GFRA2: variants seen among roughly 807,000 people sequenced by gnomAD.
GFRA2 encodes GDNF family receptor alpha 2.
A neutral mutation model predicts 48.3 loss-of-function variants in GFRA2; 17 were observed. The observed-to-expected ratio is 0.35, with a 90% CI of 0.24 to 0.53. The LOEUF (loss-of-function observed/expected upper bound fraction) is 0.53, where lower values mean the gene tolerates loss of function less well. GFRA2 is among the 20% of genes least tolerant of loss of function. GFRA2 has a pLI of 0.93. For synonymous variants in GFRA2, 305 were observed against 257.2 expected, an observed-to-expected ratio of 1.19 and a Z score of -1.78; for missense variants, 660 against 637.3, an observed-to-expected ratio of 1.04 and a Z score of -0.38.
chr8:21,799,186 T>C (rs1807727812), intron 2 of GFRA2, among the ~76,000 whole-genome samples: 1 of 152,050 alleles, frequency 6.6e-6, no homozygotes, highest in South Asian at 2.1e-4. Context: ...CCCCTTCCGT[T>C]CTCTTTAGTG....
rs375388508 is a variant in GFRA2, at chr8:21,770,072, A to G, written c.439+4900T>C. Among the ~76,000 whole-genome samples, 231 of 152,290 alleles carry G rather than the reference A, an allele frequency of 1.5e-3. 1 individual carries two copies. In the Middle Eastern group the frequency reaches 0.024, roughly 16 times the overall value. ...AGCCTCTATCTGTCCCTGTCACAGC[A>G]TAGTACATGATGGCCGTCCCCACCC... On this transcript the variant is annotated intron_variant, in intron 3 of 8. Transcript: ENST00000524240.
chr8:21,713,058 G>GGGAGAGGGAGAGGGAGACC (rs1563222295), intron 4 of GFRA2, among the ~76,000 whole-genome samples: 2 of 150,786 alleles, frequency 1.3e-5, no homozygotes, highest in Non-Finnish European at 3.0e-5. Flanking sequence ...AGAGGGAGAC[G>GGGAGAGGGAGAGGGAGACC]AGGGAAAGGG....
At chr8:21,714,499 C>T (rs1024670981) in intron 4 of GFRA2, among the ~76,000 whole-genome samples, 3 of 151,990 alleles carry the variant, frequency 2.0e-5, no homozygotes, top group African/African-American at 7.2e-5. Flanking sequence ...GATCCACCCA[C>T]CTCAGCCTCC....
At chr8:21,786,839 C>T (rs2117088225) in intron 1 of GFRA2, among the ~76,000 whole-genome samples, 1 of 152,286 alleles carries the variant, frequency 6.6e-6, no homozygotes, top group South Asian at 2.1e-4. Context: ...GCTCCTACCT[C>T]CCCACTCGTG....
chr8:21,730,997 C>T (rs866168826), intron 4 of GFRA2, among the ~76,000 whole-genome samples: 14 of 152,092 alleles, frequency 9.2e-5, no homozygotes, highest in African/African-American at 3.1e-4. Flanking sequence ...ATTCTGGCCC[C>T]GGGCTCCTTC....
At chr8:21,718,688 C>T (rs191976392) in intron 4 of GFRA2, among the ~76,000 whole-genome samples, 35 of 152,264 alleles carry the variant, frequency 2.3e-4, no homozygotes, top group Admixed American at 1.4e-3. Context: ...CATAGGGCCA[C>T]GCAACAAGGG....
In GFRA2 at chr8:21,784,840, C is replaced by T. The variant is rs950186912; in HGVS notation, c.41-1941G>A. Among the ~76,000 whole-genome samples, 37 of 152,314 alleles carry T rather than the reference C, an allele frequency of 2.4e-4. 1 individual carries two copies. The highest frequency in any genetic ancestry group is 1.4e-3 in the Admixed American group (22 of 15,310). On this transcript the variant is annotated intron_variant, in intron 1 of 8. Coordinates refer to ENST00000524240, the MANE Select transcript of GFRA2 (RefSeq NM_001495.5). ...GCTGGAGAGCTGTCCTCCACACAAGCTGAGGCAGCGTCTTTCTTCCCCGGC... is the reference window on the plus strand; with the variant it reads ...GCTGGAGAGCTGTCCTCCACACAAGTTGAGGCAGCGTCTTTCTTCCCCGGC...
At chr8:21,791,432 C>G (rs1257255634), upstream of GFRA2, among the ~76,000 whole-genome samples, 2 of 152,138 alleles carry the variant, frequency 1.3e-5, no homozygotes, top group African/African-American at 4.8e-5. Context: ...TACCTACTGC[C>G]TATACAGACG....
At chr8:21,753,717 A>T (rs1805410995) in intron 3 of GFRA2, among the ~76,000 whole-genome samples, 1 of 152,234 alleles carries the variant, frequency 6.6e-6, no homozygotes, top group South Asian at 2.1e-4. Context: ...TTGATCTATG[A>T]TGTTAAACAA....
chr8:21,704,953 T>C (rs1327816029), intron 6 of GFRA2, 32 bp downstream of exon 6: 1 of 1,549,636 alleles, frequency 6.5e-7, no homozygotes, highest in Non-Finnish European at 8.8e-7. Flanking sequence ...TGGGAGGGGC[T>C]GCTGGGGTTG....
At chr8:21,724,399 G>A (rs974882564) in intron 4 of GFRA2, among the ~76,000 whole-genome samples, 3 of 152,156 alleles carry the variant, frequency 2.0e-5, no homozygotes, top group East Asian at 1.9e-4. Flanking sequence ...ATGGAGCACC[G>A]TGAGTTCTGA....
chr8:21,708,701 G>A (rs1366900723), intron 4 of GFRA2, among the ~76,000 whole-genome samples: 1 of 152,194 alleles, frequency 6.6e-6, no homozygotes, highest in Non-Finnish European at 1.5e-5. Context: ...TGAGACAGCA[G>A]AGGCAGAGAT....
intron 4 of GFRA2, among the ~76,000 whole-genome samples, chr8:21,735,883 G>A (rs1265184140): frequency 6.6e-6 from 1 of 152,050 alleles, no homozygotes; most frequent in Non-Finnish European, 1.5e-5. Flanking sequence ...TGTTACCCAG[G>A]GCTGCTCTTG....
chr8:21,738,734 T>G (rs1403423991), intron 4 of GFRA2, among the ~76,000 whole-genome samples: 1 of 152,076 alleles, frequency 6.6e-6, no homozygotes, highest in East Asian at 1.9e-4. Context: ...AGCTTAGACA[T>G]CACCTCCAAG....
At chr8:21,730,049 G>A (rs1188865693) in intron 4 of GFRA2, among the ~76,000 whole-genome samples, 1 of 152,074 alleles carries the variant, frequency 6.6e-6, no homozygotes, top group Non-Finnish European at 1.5e-5. Context: ...TGGTGGGAGG[G>A]GGGGCCTCAT....
chr8:21,704,596 G>T (rs1305781515), intron 6 of GFRA2, among the ~76,000 whole-genome samples: 3 of 152,208 alleles, frequency 2.0e-5, no homozygotes, highest in Admixed American at 2.0e-4. Flanking sequence ...TCTGGCTTCT[G>T]GGTTAGGAGT....
At chr8:21,778,307 C>G (rs1806810397) in intron 2 of GFRA2, among the ~76,000 whole-genome samples, 1 of 152,180 alleles carries the variant, frequency 6.6e-6, no homozygotes, top group African/African-American at 2.4e-5. Context: ...CACAAGAACA[C>G]TACCTGGAGG....
rs1802666641 is a variant in GFRA2, at chr8:21,704,974, C to T, written c.1045+11G>A. The T allele has an allele frequency of 1.2e-6, 2 of 1,605,620 alleles. No homozygotes were observed. Among genetic ancestry groups the T allele is most frequent in the Non-Finnish European group, 1.7e-6 (2 of 1,175,666 alleles). The stretch of plus-strand genomic sequence containing the variant: ...GGGCTGCTGGGGTTGGGGAGAACAT[C>T]CAGAACTTACGGAGGCATGGGTTCT... On this transcript the variant is annotated intron_variant, in intron 6 of 8. Coordinates refer to ENST00000524240, the MANE Select transcript of GFRA2 (RefSeq NM_001495.5).
At chr8:21,722,754 C>T (rs1405618482) in intron 4 of GFRA2, among the ~76,000 whole-genome samples, 1 of 152,238 alleles carries the variant, frequency 6.6e-6, no homozygotes, top group East Asian at 1.9e-4. Flanking sequence ...TGGGTCCTCT[C>T]TATTTCTACC....
Sources: allele counts gnomAD v4.1 joint callset (sites outside exome capture counted in the v4.1 genomes callset), GRCh38; gene constraint gnomAD v4.1.1; transcripts MANE v1.5; gene names NCBI Gene and HGNC (gene_info 2026-07-23, HGNC 2026-07-21).